The following PRAG1 variants were observed in gnomAD, a reference collection of about 807,000 sequenced individuals.
PRAG1 encodes the protein PEAK1 related, kinase-activating pseudokinase 1, also known as inactive tyrosine-protein kinase PRAG1.
Under a neutral mutation model 95.6 loss-of-function variants are expected in PRAG1, and 110 were observed. The observed-to-expected ratio is 1.15, with a 90% CI of 0.99 to 1.35. The LOEUF (loss-of-function observed/expected upper bound fraction) is 1.35. Among genes scored for constraint, PRAG1 ranks in the 40% most tolerant of loss-of-function variants. PRAG1 has a pLI of 0.00. For missense variants in PRAG1, 2,554 were observed against 1,864.7 expected (o/e 1.37, Z -6.81); for synonymous variants, 1,052 against 819.4 (o/e 1.28, Z -4.85).
At chr8:8,381,365 G>A in intron 2 of PRAG1, 53 bp downstream of exon 2, 1 of 1,534,270 alleles carries the variant, frequency 6.5e-7, no homozygotes, top group Non-Finnish European at 8.9e-7. Flanking sequence ...GTCACCAAGT[G>A]TTCAAACAGG....
rs560662586 is a variant in PRAG1 at position 8,330,144 on chromosome 8, T to A, written c.2321-1683A>T. Among the ~76,000 whole-genome samples the A allele has an allele frequency of 3.9e-5, 6 of 152,162 alleles. No homozygotes were observed. The East Asian group carries it at 9.7e-4, about 24-fold the overall frequency. On this transcript the variant is annotated intron_variant, in intron 4 of 5. Transcript: ENST00000615670. ...ACTTTGGGAGGCCAAGGCGGGAGGATCACTTGAGCTCAGGAGTTCAAGACC... is the reference window on the plus strand; with the variant it reads ...ACTTTGGGAGGCCAAGGCGGGAGGAACACTTGAGCTCAGGAGTTCAAGACC...
rs757494367 is a variant in PRAG1, at chr8:8,377,657, C to T, written c.752G>A (p.Gly251Glu). The change falls in exon 3 of 6, where the codon GGA (glycine) becomes GAA (glutamate). Residue 251 changes from glycine to glutamate, a missense_variant. By Grantham distance (98) the Gly-to-Glu change is moderately conservative (BLOSUM62 -2). Coordinates refer to ENST00000615670, the MANE Select transcript of PRAG1 (RefSeq NM_001080826.3). ...RCSPSGDSEGGEYCSILDCCP... is the reference protein window; with the variant it reads ...RCSPSGDSEGEEYCSILDCCP... ...GCAGTCCAGGATGGAGCAGTACTCT[C>T]CACCCTCGCTGTCCCCGGAGGGCGA... 1.2e-6 allele frequency: 2 copies of T among 1,613,762 alleles called. No individual in the cohort carries two copies. The highest frequency in any genetic ancestry group is 1.7e-5 in the Admixed American group (1 of 60,026).
At chr8:8,337,257 C>A (rs894313856) in intron 4 of PRAG1, among the ~76,000 whole-genome samples, 1 of 152,118 alleles carries the variant, frequency 6.6e-6, no homozygotes, top group Non-Finnish European at 1.5e-5. Flanking sequence ...GTACTGCATG[C>A]CAAACAGTAA....
rs374993110 is a variant in PRAG1 at position 8,328,072 on chromosome 8, C to T, written c.2710G>A (p.Gly904Ser). The change falls in exon 5 of 6, where the codon GGC becomes AGC. Residue 904 changes from glycine (G) to serine (S), a missense_variant. Physicochemically the swap from Gly to Ser is moderately conservative, Grantham distance 56. Transcript: ENST00000615670. ...CACTGGAGGCCAGGGCTCCCGCAGCCGCCTCTGTTGCCCGCCAGCCCTGCT... is the reference window on the plus strand; with the variant it reads ...CACTGGAGGCCAGGGCTCCCGCAGCTGCCTCTGTTGCCCGCCAGCCCTGCT... Reference protein sequence around the residue: ...PAAGLAGNRGGCGSPGLQCKG... With the variant: ...PAAGLAGNRGSCGSPGLQCKG... 52 of 1,602,836 alleles carry T rather than the reference C, an allele frequency of 3.2e-5. No homozygotes were observed. The African/African-American group carries it at 3.9e-4, about 12-fold the overall frequency.
At position 8,318,033 on chromosome 8, in the gene PRAG1, T is replaced by C; in HGVS notation, c.*121A>G. ...TATTTTCTATATATATATTTATATA[T>C]TTTACATCCAGGTATCCCAGTCATC... On this transcript the variant is annotated 3_prime_UTR_variant, in exon 6 of 6. Coordinates refer to ENST00000615670, the MANE Select transcript of PRAG1 (RefSeq NM_001080826.3). This position sits in a 1 kb window ranked among gnomAD's most constrained non-coding sequence, Gnocchi z 4.2. 1.2e-6 allele frequency: 1 copy of C among 807,492 alleles called. No homozygotes were observed. Among genetic ancestry groups the C allele is most frequent in the Non-Finnish European group, 1.8e-6 (1 of 544,094 alleles). The allele number at this position is 807,492 out of a possible 1,614,324, so 50.0% of individuals were successfully genotyped here. A position where few individuals can be genotyped will look rare whatever the true frequency, so the allele number is the denominator to read the frequency against.
At chr8:8,356,439 G>T (rs1338741444) in intron 3 of PRAG1, among the ~76,000 whole-genome samples, 1 of 152,170 alleles carries the variant, frequency 6.6e-6, no homozygotes, top group Non-Finnish European at 1.5e-5. Context: ...TTGACCTCTT[G>T]GGTTCAAGTG....
chr8:8,338,484 G>A (rs1461962434), intron 4 of PRAG1, among the ~76,000 whole-genome samples: 1 of 152,306 alleles, frequency 6.6e-6, no homozygotes, highest in Non-Finnish European at 1.5e-5. Context: ...GTTATACAAT[G>A]GGCTGGGAAA....
intron 1 of PRAG1, among the ~76,000 whole-genome samples, chr8:8,383,988 A>G (rs1329753291): frequency 6.6e-6 from 1 of 152,130 alleles, no homozygotes; most frequent in Admixed American, 6.5e-5. Flanking sequence ...AGGCCACAGA[A>G]AGGACACTGT....
intron 4 of PRAG1, among the ~76,000 whole-genome samples, chr8:8,330,820 A>G (rs552500276): frequency 6.6e-6 from 1 of 152,202 alleles, no homozygotes; most frequent in Admixed American, 6.5e-5. Flanking sequence ...TCCTCCCTCT[A>G]ACAGAAGAGG....
At chr8:8,325,112 G>A (rs1335360476) in intron 5 of PRAG1, among the ~76,000 whole-genome samples, 1 of 152,198 alleles carries the variant, frequency 6.6e-6, no homozygotes, top group African/African-American at 2.4e-5. Flanking sequence ...CGCTGGCTGG[G>A]AAGGGAGACC....
At chr8:8,331,139 A>G (rs1328760095) in intron 4 of PRAG1, among the ~76,000 whole-genome samples, 1 of 152,166 alleles carries the variant, frequency 6.6e-6, no homozygotes, top group African/African-American at 2.4e-5. Context: ...CCTCAGAGAC[A>G]AGGACAACCT....
chr8:8,349,370 T>C (rs556064693), intron 3 of PRAG1, among the ~76,000 whole-genome samples: 1 of 152,162 alleles, frequency 6.6e-6, no homozygotes, highest in South Asian at 2.1e-4. Context: ...AAGATCTGCC[T>C]CCCGGGTTCA....
intron 2 of PRAG1, among the ~76,000 whole-genome samples, chr8:8,378,547 A>G (rs1012364833): frequency 6.6e-6 from 1 of 152,142 alleles, no homozygotes; most frequent in Non-Finnish European, 1.5e-5. Flanking sequence ...TCGAAGTCTT[A>G]AGTGTTTTTA....
At chr8:8,342,719 GA>G (rs1356968200) in intron 3 of PRAG1, among the ~76,000 whole-genome samples, 1 of 151,514 alleles carries the variant, frequency 6.6e-6, no homozygotes, top group Admixed American at 6.6e-5. Context: ...ATGATGTGAA[GA>G]AAAAAAGAAA....
chr8:8,352,365 T>A (rs1799551188), intron 3 of PRAG1, among the ~76,000 whole-genome samples: 1 of 152,228 alleles, frequency 6.6e-6, no homozygotes, highest in Non-Finnish European at 1.5e-5. Context: ...TTTTCCATCC[T>A]CATTCCTGTA....
chr8:8,371,388 G>C (rs540864348), intron 3 of PRAG1, among the ~76,000 whole-genome samples: 2 of 151,848 alleles, frequency 1.3e-5, no homozygotes, highest in Non-Finnish European at 2.9e-5. Flanking sequence ...AGCCTCCCGA[G>C]TAGCTGGGAC....
Position 8,377,500 on chromosome 8 carries a change from C to A in PRAG1, c.909G>T (p.Arg303=). ...AGCACTCCTTGGGGAAGCTCGGGCC[C>A]CGCTTCTCCTGCTCTGCGGGCCCGG... ...KCSGPAEQEK[R]GPSFPKECCS... Residue 303 remains arginine (R), a synonymous_variant, in exon 3 of 6, where the codon CGG becomes CGT. Coordinates refer to ENST00000615670, the MANE Select transcript of PRAG1 (RefSeq NM_001080826.3). The A allele has an allele frequency of 6.4e-7, 1 of 1,555,276 alleles. No individual in the cohort carries two copies. Among genetic ancestry groups the A allele is most frequent in the Non-Finnish European group, 8.7e-7 (1 of 1,150,894 alleles).
chr8:8,367,515 T>C (rs1311909332), intron 3 of PRAG1, among the ~76,000 whole-genome samples: 1 of 144,500 alleles, frequency 6.9e-6, no homozygotes, highest in Non-Finnish European at 1.5e-5. Context: ...CGTTAAGTGA[T>C]GCCACCACGC....
chr8:8,374,510 T>G (rs957730522), intron 3 of PRAG1: 4 of 324,116 alleles, frequency 1.2e-5, no homozygotes, highest in Non-Finnish European at 1.8e-5. Flanking sequence ...TAGCTTTCTA[T>G]CTCTGCTTTG....
Sources: allele counts gnomAD v4.1 joint callset (sites outside exome capture counted in the v4.1 genomes callset), GRCh38; gene constraint gnomAD v4.1.1; non-coding constraint Gnocchi (gnomAD v3.1); transcripts MANE v1.5; gene names NCBI Gene and HGNC (gene_info 2026-07-23, HGNC 2026-07-21).